The following DSCAM variants were observed in gnomAD, a reference collection of about 807,000 sequenced individuals.
DSCAM encodes cell adhesion molecule DSCAM.
In DSCAM, 47 loss-of-function variants were observed where a neutral mutation model predicts 217.7. The ratio of observed to expected loss-of-function variants is 0.22; its 90% CI spans 0.17 to 0.28. DSCAM has a LOEUF of 0.28. Ranked by LOEUF, DSCAM falls within the 10% of genes least tolerant of loss-of-function variation. The pLI is 1.00. For missense variants in DSCAM, 2,080 were observed against 2,618.3 expected (o/e 0.79, Z 4.49); for synonymous variants, 1,056 against 1,015.3 (o/e 1.04, Z -0.76).
chr21:40,837,033 C>T (rs752593015), intron 1 of DSCAM, among the ~76,000 whole-genome samples: 1 of 152,170 alleles, frequency 6.6e-6, no homozygotes, highest in Non-Finnish European at 1.5e-5. Context: ...TGTTGAGAAC[C>T]AGTGTCCTCG....
At chr21:40,688,552 C>T (rs2090507704) in intron 3 of DSCAM, among the ~76,000 whole-genome samples, 1 of 152,182 alleles carries the variant, frequency 6.6e-6, no homozygotes, top group Admixed American at 6.5e-5. Context: ...CTAAAAAAAT[C>T]CACATAGACA....
At chr21:40,846,010 T>G (rs2092142138) in intron 1 of DSCAM, among the ~76,000 whole-genome samples, 1 of 152,152 alleles carries the variant, frequency 6.6e-6, no homozygotes, top group Non-Finnish European at 1.5e-5. Context: ...TTTTTTTTTT[T>G]TTAATTTGTC....
At chr21:40,840,425 G>A (rs2092091147) in intron 1 of DSCAM, among the ~76,000 whole-genome samples, 1 of 152,126 alleles carries the variant, frequency 6.6e-6, no homozygotes, top group Admixed American at 6.5e-5. Flanking sequence ...TTTCTGGCTG[G>A]CTTTCAAAAT....
At chr21:40,448,465 G>T (rs2075692817) in intron 3 of DSCAM, among the ~76,000 whole-genome samples, 1 of 152,058 alleles carries the variant, frequency 6.6e-6, no homozygotes, top group African/African-American at 2.4e-5. Context: ...TTATACCACT[G>T]GGTCCCCTGG....
intron 3 of DSCAM, among the ~76,000 whole-genome samples, chr21:40,669,088 C>T (rs896657590): frequency 4.6e-5 from 7 of 152,114 alleles, no homozygotes; most frequent in Admixed American, 2.6e-4. Flanking sequence ...TTCACAGAGT[C>T]GGTGGTCACT....
At chr21:40,311,159 C>T (rs866743632) in intron 9 of DSCAM, among the ~76,000 whole-genome samples, 3 of 152,154 alleles carry the variant, frequency 2.0e-5, no homozygotes, top group Non-Finnish European at 4.4e-5. Flanking sequence ...CAGAAATCCT[C>T]CCCCTCCTAA....
At chr21:40,213,934 C>T (rs2091212820) in intron 11 of DSCAM, among the ~76,000 whole-genome samples, 1 of 152,202 alleles carries the variant, frequency 6.6e-6, no homozygotes, top group Admixed American at 6.5e-5. Flanking sequence ...TATCCAAGGC[C>T]CTTGGCCCAG....
intron 3 of DSCAM, among the ~76,000 whole-genome samples, chr21:40,672,599 G>A (rs2146404175): frequency 6.6e-6 from 1 of 152,280 alleles, no homozygotes; most frequent in South Asian, 2.1e-4. Flanking sequence ...TATTTATAGT[G>A]AGCCTAAGTG....
chr21:40,324,103 C>CAAAAAAAAAAAAAAAAAAAAACA (rs2074290091), intron 8 of DSCAM, among the ~76,000 whole-genome samples: 1 of 27,936 alleles, frequency 3.6e-5, no homozygotes, highest in Non-Finnish European at 6.0e-5. Flanking sequence ...AACTCTGTCT[C>CAAAAAAAAAAAAAAAAAAAAACA]AAAAAAAAAA....
rs182515764 is a variant in DSCAM, at chr21:40,590,544, T to C, written c.508+102266A>G. On this transcript the variant is annotated intron_variant, in intron 3 of 32. Transcript: ENST00000400454. ...GTGTCACTGTGAGGAGTAAATGAGG[T>C]AACATATTTAAAGGATTTTGTATAG... Among the ~76,000 whole-genome samples, 4 of 152,326 alleles carry C rather than the reference T, an allele frequency of 2.6e-5. No individual in the cohort carries two copies. The East Asian group carries it at 7.7e-4, about 29-fold the overall frequency.
chr21:40,814,249 T>C (rs2091862976), intron 1 of DSCAM, among the ~76,000 whole-genome samples: 1 of 152,232 alleles, frequency 6.6e-6, no homozygotes, highest in South Asian at 2.1e-4. Flanking sequence ...CGCAGAACCA[T>C]GCAGACTCTC....
intron 3 of DSCAM, among the ~76,000 whole-genome samples, chr21:40,401,729 G>T (rs2075235483): frequency 6.6e-6 from 1 of 151,312 alleles, no homozygotes; most frequent in African/African-American, 2.5e-5. Context: ...GACAGGGATG[G>T]TATTCTTACA....
chr21:40,160,699 T>C lies in DSCAM; in HGVS notation c.3018+6519A>G, dbSNP rs915268141. The stretch of plus-strand genomic sequence containing the variant: ...AAATACCCCTTTAGTTGCAACCTTA[T>C]TTGCATTTCTGATAATATGCTCTTT... On this transcript the variant is annotated intron_variant, in intron 16 of 32. Coordinates refer to ENST00000400454, the MANE Select transcript of DSCAM (RefSeq NM_001389.5). Among the ~76,000 whole-genome samples, 3 of 152,328 alleles carry C rather than the reference T, an allele frequency of 2.0e-5. 1 individual carries two copies.
At chr21:40,097,954 A>AAAAGAAAGAAAGAAAGAAAGAAAGAAAG (rs61675667) in intron 20 of DSCAM, among the ~76,000 whole-genome samples, 1 of 51,516 alleles carries the variant, frequency 1.9e-5, no homozygotes, top group African/African-American at 8.2e-5. Context: ...AAAAAAAAAA[A>AAAAGAAAGAAAGAAAGAAAGAAAGAAAG]AAAGAAAGAA....
At chr21:40,614,850 AC>A (rs2089367127) in intron 3 of DSCAM, among the ~76,000 whole-genome samples, 1 of 152,220 alleles carries the variant, frequency 6.6e-6, no homozygotes, top group African/African-American at 2.4e-5. Context: ...TACATGATAT[AC>A]ATTATGTATA....
intron 2 of DSCAM, among the ~76,000 whole-genome samples, chr21:40,700,031 C>A (rs965963371): frequency 1.3e-5 from 2 of 152,194 alleles, no homozygotes; most frequent in Admixed American, 6.5e-5. Flanking sequence ...CAAGCTGATT[C>A]TTGTTAAGGG....
chr21:40,677,671 T>C (rs1008447167), intron 3 of DSCAM, among the ~76,000 whole-genome samples: 4 of 152,202 alleles, frequency 2.6e-5, no homozygotes, highest in Non-Finnish European at 5.9e-5. Context: ...CTCAATGTGA[T>C]GCTATCGGGA....
chr21:40,756,623 C>A (rs2146573387), intron 1 of DSCAM, among the ~76,000 whole-genome samples: 1 of 152,134 alleles, frequency 6.6e-6, no homozygotes, highest in East Asian at 1.9e-4. Context: ...AGTTTCTGAC[C>A]TCAAGTGATC....
At chr21:40,194,381 G>A (rs1046764047) in intron 11 of DSCAM, among the ~76,000 whole-genome samples, 10 of 152,144 alleles carry the variant, frequency 6.6e-5, no homozygotes, top group African/African-American at 2.4e-4. Context: ...TCACAGTTAT[G>A]GATGCCTAGA....
Sources: allele counts gnomAD v4.1 joint callset (sites outside exome capture counted in the v4.1 genomes callset), GRCh38; gene constraint gnomAD v4.1.1; transcripts MANE v1.5; gene names NCBI Gene and HGNC (gene_info 2026-07-23, HGNC 2026-07-21).